Variants in KAZN observed in about 807,000 individuals in gnomAD.
The protein encoded by KAZN is kazrin.
In KAZN, 40 loss-of-function variants were observed where a neutral mutation model predicts 87.4. The ratio of observed to expected loss-of-function variants is 0.46; its 90% CI spans 0.36 to 0.60. The LOEUF (loss-of-function observed/expected upper bound fraction) is 0.60, where lower values mean the gene tolerates loss of function less well. Ranked by LOEUF, KAZN falls within the 20% of genes least tolerant of loss-of-function variation. The pLI is 0.00. For synonymous variants in KAZN, 466 were observed against 458.3 expected (o/e 1.02, Z -0.22); for missense variants, 898 against 1,073.9 (o/e 0.84, Z 2.29).
chr1:14,116,981 G>A (rs1644636887), intron 1 of KAZN, among the ~76,000 whole-genome samples: 2 of 152,220 alleles, frequency 1.3e-5, no homozygotes, highest in African/African-American at 4.8e-5. Context: ...TCTCCCATTT[G>A]TAATGGCTGT....
intron 1 of KAZN, among the ~76,000 whole-genome samples, chr1:14,614,731 C>A (rs1678087524): frequency 6.6e-6 from 1 of 152,168 alleles, no homozygotes; most frequent in Non-Finnish European, 1.5e-5. Flanking sequence ...TGAATACAAC[C>A]CAGAGAAACA....
chr1:14,830,307 A>T (rs1202830792), intron 1 of KAZN, among the ~76,000 whole-genome samples: 1 of 152,234 alleles, frequency 6.6e-6, no homozygotes, highest in East Asian at 1.9e-4. Flanking sequence ...GAAAAATGAC[A>T]GTCCCAGCAA....
intron 1 of KAZN, among the ~76,000 whole-genome samples, chr1:14,800,428 C>T (rs111781895): frequency 9.4e-4 from 143 of 152,282 alleles, no homozygotes; most frequent in African/African-American, 3.1e-3. Flanking sequence ...TTGCCAGACA[C>T]GGTGGCTCGT....
chr1:14,669,913 C>T (rs1413612991), intron 1 of KAZN, among the ~76,000 whole-genome samples: 1 of 152,130 alleles, frequency 6.6e-6, no homozygotes, highest in African/African-American at 2.4e-5. Context: ...TGGGTACCGC[C>T]AATCTATCAG....
rs78490623 is a variant in KAZN at position 14,331,204 on chromosome 1, A to G, written c.249+150612A>G. On this transcript the variant is annotated intron_variant, in intron 2 of 16. Transcript: ENST00000636203. ...GGCTCTGGCCTAGCATGCAAAGAAA[A>G]GAGACTGTACTCGGAAACAGTGAGA... is the stretch of plus-strand genomic sequence containing the variant. 9.6e-3 allele frequency among the ~76,000 whole-genome samples: 1,465 copies of G among 152,272 alleles called. 27 individuals carry two copies. Among genetic ancestry groups the G allele is most frequent in the African/African-American group, 0.034 (1,402 of 41,560 alleles).
intron 1 of KAZN, among the ~76,000 whole-genome samples, chr1:14,631,056 C>T (rs552958405): frequency 6.6e-6 from 1 of 152,234 alleles, no homozygotes; most frequent in South Asian, 2.1e-4. Context: ...CCATTTTTCC[C>T]TGACTCTTAG....
At chr1:14,991,127 C>T (rs1417475736) in intron 2 of KAZN, among the ~76,000 whole-genome samples, 2 of 151,616 alleles carry the variant, frequency 1.3e-5, no homozygotes, top group Admixed American at 6.6e-5. Context: ...CTGAGGCGGG[C>T]GGATCACCTG....
At chr1:15,104,791 A>T (rs1020330309) in intron 13 of KAZN, among the ~76,000 whole-genome samples, 1 of 152,178 alleles carries the variant, frequency 6.6e-6, no homozygotes, top group Non-Finnish European at 1.5e-5. Flanking sequence ...TTCCTGTGTG[A>T]ACTATCTAAT....
intron 8 of KAZN, among the ~76,000 whole-genome samples, chr1:15,083,769 C>A (rs897137816): frequency 2.0e-5 from 3 of 152,188 alleles, no homozygotes; most frequent in Admixed American, 2.0e-4. Context: ...GGAGCCATTT[C>A]CCAGCCTGTG....
chr1:14,065,042 G>A (rs1642954768), intron 1 of KAZN, among the ~76,000 whole-genome samples: 1 of 152,130 alleles, frequency 6.6e-6, no homozygotes, highest in Non-Finnish European at 1.5e-5. Flanking sequence ...ATATCTAGAT[G>A]GTAACTTTTA....
chr1:14,962,348 C>T lies in KAZN; in HGVS notation c.418+1473C>T, dbSNP rs149720127. Among the ~76,000 whole-genome samples the T allele has an allele frequency of 1.7e-3, 259 of 152,266 alleles. 1 individual carries two copies. The highest frequency in any genetic ancestry group is 0.015 in the East Asian group (80 of 5,174). On this transcript the variant is annotated intron_variant, in intron 2 of 14. Coordinates refer to ENST00000376030, the MANE Select transcript of KAZN (RefSeq NM_201628.3). ...TGGGGTCTTGTTTCTGGTGGGGTCACGGCGGCAGCATTTTGGGTGGTCTTT... is the reference window on the plus strand; with the variant it reads ...TGGGGTCTTGTTTCTGGTGGGGTCATGGCGGCAGCATTTTGGGTGGTCTTT...
In KAZN at chr1:14,197,440, G is replaced by A. The variant is rs141125326; in HGVS notation, c.249+16848G>A. 5.6e-4 allele frequency among the ~76,000 whole-genome samples: 83 copies of A among 147,664 alleles called. 2 individuals carry two copies. The East Asian group carries it at 0.015, about 28-fold the overall frequency. ...AAGGTGGTACATGCCTGTAATCCCA[G>A]CACTTTGGGAGGTGAATCAGGTGGA... On this transcript the variant is annotated intron_variant, in intron 2 of 16. Coordinates refer to the KAZN transcript ENST00000636203.
intron 2 of KAZN, among the ~76,000 whole-genome samples, chr1:14,211,624 G>C (rs1439954756): frequency 3.9e-5 from 6 of 152,148 alleles, no homozygotes; most frequent in Non-Finnish European, 8.8e-5. Context: ...CTCTGGAGAT[G>C]TCTTGTATGG....
intron 2 of KAZN, among the ~76,000 whole-genome samples, chr1:14,388,543 T>C (rs12735451): frequency 5.3e-5 from 8 of 151,692 alleles, no homozygotes; most frequent in East Asian, 1.9e-4. Flanking sequence ...CAGAGATAAA[T>C]AGATACATCT....
rs1440523838 is a variant in KAZN, at chr1:14,883,324, G to A, written c.227-77360G>A. On this transcript the variant is annotated intron_variant, in intron 1 of 14. Coordinates refer to ENST00000376030, the MANE Select transcript of KAZN (RefSeq NM_201628.3). ...AGAAAGAAAGAAAGAAAGAAAGAGA[G>A]AGAGAGAGAGAGAGAGAGAAAGAAA... is the stretch of plus-strand genomic sequence containing the variant. 5.2e-4 allele frequency among the ~76,000 whole-genome samples: 21 copies of A among 40,344 alleles called. 1 individual carries two copies. The highest frequency in any genetic ancestry group is 1.2e-3 in the African/African-American group (19 of 15,876). 26.5% of individuals were successfully genotyped at this position (40,344 alleles called of 152,430 possible). A position where few individuals can be genotyped will look rare whatever the true frequency, so the allele number is the denominator to read the frequency against.
In KAZN at chr1:15,083,194, A is replaced by G. The variant is rs182094587; in HGVS notation, c.1223-10986A>G. ...AGGTAGGCACCTTTCCTTGCTCTGG[A>G]TGGCTCCTAGACAGGCATGTGGACT... On this transcript the variant is annotated intron_variant, in intron 8 of 14. Transcript: ENST00000376030. Among the ~76,000 whole-genome samples, 527 of 152,284 alleles carry G rather than the reference A, an allele frequency of 3.5e-3. 3 individuals are homozygous for G. Among genetic ancestry groups the G allele is most frequent in the African/African-American group, 0.012 (496 of 41,554 alleles).
At chr1:14,042,109 C>T (rs1641863230) in intron 1 of KAZN, among the ~76,000 whole-genome samples, 1 of 151,964 alleles carries the variant, frequency 6.6e-6, no homozygotes, top group African/African-American at 2.4e-5. Flanking sequence ...TTTCTCTGTT[C>T]TCTCTCTCTG....
rs867694772 is a variant in KAZN, at chr1:15,100,955, G to C, written c.1548-588G>C. Among the ~76,000 whole-genome samples, 21 of 152,288 alleles carry C rather than the reference G, an allele frequency of 1.4e-4. No homozygotes were observed. In the South Asian group the frequency reaches 4.2e-3, roughly 30 times the overall value. On this transcript the variant is annotated intron_variant, in intron 10 of 14. Transcript: ENST00000376030. ...GCCAAGCCCAGGCTTTGTGGGTCTC[G>C]GGGATGCTGTGGAGGCCCCCAGGGA...
chr1:15,108,615 C>A (rs915610151), intron 13 of KAZN, among the ~76,000 whole-genome samples: 16 of 152,194 alleles, frequency 1.1e-4, no homozygotes, highest in African/African-American at 3.9e-4. Flanking sequence ...TCCAGCACAG[C>A]ATCTTGTGCC....
Sources: gnomAD v4.1 joint callset for allele counts (sites outside exome capture counted in the v4.1 genomes callset) on GRCh38, gnomAD v4.1.1 for gene constraint, MANE v1.5 for transcripts, NCBI Gene and HGNC (gene_info 2026-07-23, HGNC 2026-07-21) for gene names.